Variants in CLIC5 observed in about 807,000 individuals in gnomAD.
The protein encoded by CLIC5 is chloride intracellular channel protein 5.
In CLIC5, 20 loss-of-function variants were observed where a neutral mutation model predicts 24.7. The ratio of observed to expected loss-of-function variants is 0.81; its 90% CI spans 0.57 to 1.18. The LOEUF is 1.18. Among genes scored for constraint, CLIC5 ranks in the 50% most tolerant of loss-of-function variants. CLIC5 has a pLI of 0.00. For missense variants in CLIC5, 341 were observed against 326.1 expected, an observed-to-expected ratio of 1.05 and a Z score of -0.35; for synonymous variants, 159 against 135.6, an observed-to-expected ratio of 1.17 and a Z score of -1.20.
At chr6:46,129,731 C>G in the CLIC5 span, 3 of 140,436 alleles carry the variant, frequency 2.1e-5, no homozygotes, top group Non-Finnish European at 4.9e-5. Context: ...GAGGCCTTTC[C>G]GGGACTCGCT....
At chr6:46,002,709 G>GA (rs1293893770) in intron 1 of CLIC5, among the ~76,000 whole-genome samples, 2 of 152,228 alleles carry the variant, frequency 1.3e-5, no homozygotes, top group Non-Finnish European at 2.9e-5. Flanking sequence ...GTTGATCAAA[G>GA]AATGGGAGTT....
the CLIC5 span, among the ~76,000 whole-genome samples, chr6:46,112,383 C>T: frequency 6.6e-6 from 1 of 152,166 alleles, no homozygotes; most frequent in African/African-American, 2.4e-5. Context: ...ACCACCTTTG[C>T]TAGCTACTCC....
chr6:46,125,244 G>A, the CLIC5 span, among the ~76,000 whole-genome samples: 1 of 152,164 alleles, frequency 6.6e-6, no homozygotes, highest in Non-Finnish European at 1.5e-5. Context: ...ATACTATGCA[G>A]CCATAAAAAT....
At chr6:46,016,549 T>C (rs1205889228), upstream of CLIC5, among the ~76,000 whole-genome samples, 1 of 152,216 alleles carries the variant, frequency 6.6e-6, no homozygotes, top group Non-Finnish European at 1.5e-5. Context: ...TTTCTATTTC[T>C]TCCTTTATTT....
chr6:46,071,268 C>T (rs1412402252), intron 1 of CLIC5, among the ~76,000 whole-genome samples: 2 of 152,170 alleles, frequency 1.3e-5, no homozygotes, highest in South Asian at 4.2e-4. Flanking sequence ...GCAAAAGAAA[C>T]TATCAACAGA....
intron 3 of CLIC5, among the ~76,000 whole-genome samples, chr6:45,947,895 C>T (rs1212436025): frequency 6.6e-6 from 1 of 152,128 alleles, no homozygotes; most frequent in Non-Finnish European, 1.5e-5. Context: ...CTTGAGGTGG[C>T]TTTTTCACTC....
At chr6:46,000,990 T>C (rs1766334565) in intron 1 of CLIC5, among the ~76,000 whole-genome samples, 1 of 152,214 alleles carries the variant, frequency 6.6e-6, no homozygotes, top group African/African-American at 2.4e-5. Flanking sequence ...TCCTTCACTC[T>C]ACAGTGTTCA....
intron 4 of CLIC5, among the ~76,000 whole-genome samples, chr6:45,940,738 G>A (rs958643588): frequency 1.3e-5 from 2 of 152,198 alleles, no homozygotes; most frequent in Non-Finnish European, 2.9e-5. Flanking sequence ...TTGCCCATAG[G>A]ATAAAAATCC....
At chr6:45,989,416 T>G (rs1043555258) in intron 1 of CLIC5, among the ~76,000 whole-genome samples, 6 of 152,216 alleles carry the variant, frequency 3.9e-5, no homozygotes, top group African/African-American at 1.2e-4. Flanking sequence ...CTTTGAAATT[T>G]TGGTAAAAAC....
the CLIC5 span, among the ~76,000 whole-genome samples, chr6:46,121,919 A>C: frequency 1.3e-5 from 2 of 152,348 alleles, no homozygotes; most frequent in East Asian, 3.9e-4. Context: ...AGGAGCACCC[A>C]GATTCATAAA....
chr6:45,996,373 G>A (rs565240988), intron 1 of CLIC5, among the ~76,000 whole-genome samples: 1 of 152,168 alleles, frequency 6.6e-6, no homozygotes, highest in East Asian at 1.9e-4. Flanking sequence ...TGTCAATTTT[G>A]TCTTTTGTTG....
At chr6:45,967,789 A>AAG (rs139746823) in intron 1 of CLIC5, among the ~76,000 whole-genome samples, 13 of 149,868 alleles carry the variant, frequency 8.7e-5, no homozygotes, top group East Asian at 3.9e-4. Flanking sequence ...AAGCAGGGGC[A>AAG]AGAGAGAGAG....
chr6:45,978,807 G>A lies in CLIC5; in HGVS notation c.64-23563C>T, dbSNP rs112530131. Among the ~76,000 whole-genome samples the A allele has an allele frequency of 5.8e-3, 890 of 152,204 alleles. 6 individuals are homozygous for A. Among genetic ancestry groups the A allele is most frequent in the African/African-American group, 0.02 (811 of 41,520 alleles). ...TCTACTAAAAATACAAACATTAGCCGGGCATGGTGGCACATGCCTTTAATC... is the reference window on the plus strand; with the variant it reads ...TCTACTAAAAATACAAACATTAGCCAGGCATGGTGGCACATGCCTTTAATC... On this transcript the variant is annotated intron_variant, in intron 1 of 5. Transcript: ENST00000339561.
rs1382025095 is a variant in CLIC5, at chr6:45,964,651, C to T, written c.64-9407G>A. 3.3e-5 allele frequency among the ~76,000 whole-genome samples: 5 copies of T among 152,184 alleles called. No homozygotes were observed. The East Asian group carries it at 9.6e-4, about 29-fold the overall frequency. ...AACGTTTTCAGATGACAGATTGCCT[C>T]AACAACCAGACAAGAGAATGAATGA... is the stretch of plus-strand genomic sequence containing the variant. On this transcript the variant is annotated intron_variant, in intron 1 of 5. Coordinates refer to ENST00000339561, the MANE Select transcript of CLIC5 (RefSeq NM_016929.5).
At chr6:45,987,513 T>G (rs139565245) in intron 1 of CLIC5, among the ~76,000 whole-genome samples, 1 of 152,366 alleles carries the variant, frequency 6.6e-6, no homozygotes, top group East Asian at 1.9e-4. Context: ...ATCGTTGTTA[T>G]AATCACAACA....
At chr6:45,977,915 T>C (rs1455819238) in intron 1 of CLIC5, among the ~76,000 whole-genome samples, 4 of 152,128 alleles carry the variant, frequency 2.6e-5, no homozygotes, top group Admixed American at 6.5e-5. Context: ...GGATGCCCAG[T>C]GGGTTTCCAC....
chr6:45,940,544 C>T (rs3777575), intron 4 of CLIC5, among the ~76,000 whole-genome samples: 9,625 of 152,280 alleles, frequency 0.063, 676 homozygotes, highest in East Asian at 0.37. Context: ...AGATGCTATT[C>T]TCCTTGGAGC....
intron 1 of CLIC5, among the ~76,000 whole-genome samples, chr6:46,040,459 G>C (rs1767775635): frequency 6.6e-6 from 1 of 152,090 alleles, no homozygotes; most frequent in Non-Finnish European, 1.5e-5. Flanking sequence ...TAGTGGTGGT[G>C]GTGAAAGTAA....
Position 45,901,813 on chromosome 6 carries a change from C to T in CLIC5, c.*1275G>A, listed in dbSNP as rs919671448. 38 of 152,168 alleles carry T rather than the reference C, an allele frequency of 2.5e-4. No homozygotes were observed. Among genetic ancestry groups the T allele is most frequent in the African/African-American group, 8.7e-4 (36 of 41,326 alleles). The allele number at this position is 152,168 out of a possible 1,614,324, so 9.4% of individuals were successfully genotyped here. ...TTGAGTCAGATTGTAGGAAAATTAA[C>T]CCAGATGGGTCTACATTTTTCTTCA... is the stretch of plus-strand genomic sequence containing the variant. On this transcript the variant is annotated 3_prime_UTR_variant, in exon 6 of 6. Coordinates refer to ENST00000339561, the MANE Select transcript of CLIC5 (RefSeq NM_016929.5).
Sources: allele counts gnomAD v4.1 joint callset (sites outside exome capture counted in the v4.1 genomes callset), GRCh38; gene constraint gnomAD v4.1.1; transcripts MANE v1.5; gene names NCBI Gene and HGNC (gene_info 2026-07-23, HGNC 2026-07-21).